ELAVL2: variants seen among roughly 807,000 people sequenced by gnomAD.
ELAVL2 encodes the protein ELAV like RNA binding protein 2, also known as ELAV-like protein 2.
In ELAVL2, 4 loss-of-function variants were observed where a neutral mutation model predicts 34.6. The observed-to-expected ratio is 0.12, with a 90% confidence interval of 0.06 to 0.26. The LOEUF (loss-of-function observed/expected upper bound fraction) is 0.26, where lower values mean the gene tolerates loss of function less well. Among genes scored for constraint, ELAVL2 ranks in the 10% least tolerant of loss-of-function variants. The pLI, the probability that ELAVL2 is intolerant of heterozygous loss-of-function variation, is 1.00. For synonymous variants in ELAVL2, 193 were observed against 154.8 expected (o/e 1.25, Z -1.83); for missense variants, 432 against 442.8 (o/e 0.98, Z 0.22).
At chr9:23,791,258 A>G (rs2060287006) in intron 1 of ELAVL2, among the ~76,000 whole-genome samples, 1 of 152,222 alleles carries the variant, frequency 6.6e-6, no homozygotes, top group Non-Finnish European at 1.5e-5. Context: ...GGTGGGAGCA[A>G]GGAGTCTTGA....
intron 1 of ELAVL2, among the ~76,000 whole-genome samples, chr9:23,783,907 G>A (rs2059376521): frequency 6.6e-6 from 1 of 152,132 alleles, no homozygotes; most frequent in African/African-American, 2.4e-5. Flanking sequence ...TAAAATGCTG[G>A]GCACAGGCCG....
chr9:23,825,668 A>G (rs1203344370), intron 1 of ELAVL2, 138 bp downstream of exon 1: 1 of 152,198 alleles, frequency 6.6e-6, no homozygotes, highest in Non-Finnish European at 1.5e-5. Flanking sequence ...TAAAATTAAA[A>G]AAGCAGAACA....
chr9:23,830,982 C>G (rs969384779), upstream of ELAVL2, among the ~76,000 whole-genome samples: 1 of 152,114 alleles, frequency 6.6e-6, no homozygotes, highest in African/African-American at 2.4e-5. Context: ...TACTAACAGC[C>G]TTCTTTAAGC....
At position 23,690,213 on chromosome 9, in the gene ELAVL2, T is replaced by G. The variant is rs2032711585; in HGVS notation, c.*2344A>C. 6.6e-6 allele frequency: 1 copy of G among 152,614 alleles called. No individual in the cohort carries two copies. Among genetic ancestry groups the G allele is most frequent in the Non-Finnish European group, 1.5e-5 (1 of 68,022 alleles). The allele number at this position is 152,614 out of a possible 1,614,324, so 9.5% of individuals were successfully genotyped here. A position where few individuals can be genotyped will look rare whatever the true frequency, so the allele number is the denominator to read the frequency against. On this transcript the variant is annotated 3_prime_UTR_variant, in exon 7 of 7. Transcript: ENST00000397312. ...TAAATACTCAACAGAATATATTTTC[T>G]ATTCCAACAGATGTGAATTAAGTCA...
rs146228547 is a variant in ELAVL2, at chr9:23,755,716, T to C, written c.229+6290A>G. ...CAAAGCATTTACCCCTGTGCAGGCA[T>C]CTCCTTTCCTACAGACCTAAGAACA... On this transcript the variant is annotated intron_variant, in intron 2 of 6. Coordinates refer to ENST00000397312, the MANE Select transcript of ELAVL2 (RefSeq NM_004432.5). 1.3e-3 allele frequency among the ~76,000 whole-genome samples: 196 copies of C among 152,226 alleles called. 1 individual carries two copies. The highest frequency in any genetic ancestry group is 4.6e-3 in the African/African-American group (191 of 41,542).
chr9:23,810,783 G>T (rs1469227192), intron 1 of ELAVL2, among the ~76,000 whole-genome samples: 2 of 152,094 alleles, frequency 1.3e-5, no homozygotes, highest in African/African-American at 4.8e-5. Context: ...CATTCCCAGG[G>T]AGCTGTGGCA....
chr9:23,827,064 A>C (rs746127247), upstream of ELAVL2, among the ~76,000 whole-genome samples: 6 of 152,188 alleles, frequency 3.9e-5, no homozygotes, highest in Non-Finnish European at 7.4e-5. Context: ...CCAGAAAAAG[A>C]GGTATTGAGT....
intron 5 of ELAVL2, among the ~76,000 whole-genome samples, chr9:23,697,109 T>C (rs2035536700): frequency 6.6e-6 from 1 of 151,974 alleles, no homozygotes; most frequent in African/African-American, 2.4e-5. Context: ...AAAATCCATT[T>C]TACAAATAAC....
At chr9:23,751,127 G>C (rs896535889) in intron 2 of ELAVL2, among the ~76,000 whole-genome samples, 2 of 152,092 alleles carry the variant, frequency 1.3e-5, no homozygotes, top group African/African-American at 4.8e-5. Flanking sequence ...TTTTTGTTGA[G>C]CTAGAGGATG....
intron 1 of ELAVL2, among the ~76,000 whole-genome samples, chr9:23,770,352 T>G (rs2057084624): frequency 6.6e-6 from 1 of 152,090 alleles, no homozygotes; most frequent in Middle Eastern, 3.2e-3. Flanking sequence ...CTGGCTGCTG[T>G]GATAGGAAGA....
At chr9:23,742,440 T>G (rs1479523663) in intron 2 of ELAVL2, among the ~76,000 whole-genome samples, 2 of 152,174 alleles carry the variant, frequency 1.3e-5, no homozygotes, top group Non-Finnish European at 2.9e-5. Context: ...CCTACGTCCT[T>G]CGCATACAAT....
intron 3 of ELAVL2, among the ~76,000 whole-genome samples, chr9:23,728,393 C>T (rs2045766448): frequency 6.6e-6 from 1 of 152,058 alleles, no homozygotes; most frequent in Admixed American, 6.6e-5. Flanking sequence ...GCTGCAAAAG[C>T]ATATGCATGG....
At chr9:23,818,611 G>C (rs1011299146) in intron 1 of ELAVL2, among the ~76,000 whole-genome samples, 1 of 152,148 alleles carries the variant, frequency 6.6e-6, no homozygotes, top group African/African-American at 2.4e-5. Flanking sequence ...ACACCATCTA[G>C]CCCCCTTAAA....
intron 2 of ELAVL2, among the ~76,000 whole-genome samples, chr9:23,754,603 C>T (rs1018734350): frequency 1.3e-5 from 2 of 152,160 alleles, no homozygotes; most frequent in Non-Finnish European, 2.9e-5. Flanking sequence ...GGACTACAGG[C>T]GTGCAGCACC....
intron 2 of ELAVL2, among the ~76,000 whole-genome samples, chr9:23,736,030 A>C (rs1267926838): frequency 6.6e-6 from 1 of 152,202 alleles, no homozygotes; most frequent in Admixed American, 6.5e-5. Flanking sequence ...TACTTTAATT[A>C]AAATTTTAAT....
intron 3 of ELAVL2, among the ~76,000 whole-genome samples, chr9:23,729,905 C>T (rs1016071619): frequency 1.3e-5 from 2 of 152,034 alleles, no homozygotes; most frequent in African/African-American, 4.8e-5. Context: ...AAATCTTTTA[C>T]ACAAGTCTCT....
the ELAVL2 span, among the ~76,000 whole-genome samples, chr9:23,842,899 T>C: frequency 1.3e-5 from 2 of 152,126 alleles, no homozygotes; most frequent in Admixed American, 6.6e-5. Flanking sequence ...AAGCGATGTT[T>C]AAATAACTGA....
At chr9:23,779,440 G>T in intron 1 of ELAVL2, 1 of 983,684 alleles carries the variant, frequency 1.0e-6, no homozygotes, top group African/African-American at 1.7e-5. Flanking sequence ...GTGGCTGAGG[G>T]AATATGAAAG....
chr9:23,722,519 G>A (rs540986775), intron 3 of ELAVL2, among the ~76,000 whole-genome samples: 1 of 152,170 alleles, frequency 6.6e-6, no homozygotes, highest in Non-Finnish European at 1.5e-5. Context: ...CCACTCTCTG[G>A]CACCTAAGAG....
Sources: allele counts gnomAD v4.1 joint callset (sites outside exome capture counted in the v4.1 genomes callset), GRCh38; gene constraint gnomAD v4.1.1; transcripts MANE v1.5; gene names NCBI Gene and HGNC (gene_info 2026-07-23, HGNC 2026-07-21).